STAC: variants seen among roughly 807,000 people sequenced by gnomAD.
STAC encodes SH3 and cysteine-rich domain-containing protein.
STAC carries 43 observed loss-of-function variants against 48.8 expected under a neutral mutation model. The observed-to-expected ratio is 0.88, with a 90% CI of 0.69 to 1.14. The LOEUF (loss-of-function observed/expected upper bound fraction) is 1.14. Among genes scored for constraint, STAC ranks in the 50% most tolerant of loss-of-function variants. The probability of loss-of-function intolerance (pLI) is 0.00; values close to 1 mark genes in which losing one functional copy is unlikely to be tolerated. For missense variants in STAC, 497 were observed against 504.0 expected (o/e 0.99, Z 0.13); for synonymous variants, 193 against 179.5 (o/e 1.07, Z -0.60).
At chr3:36,527,952 G>A (rs1270738023) in intron 8 of STAC, among the ~76,000 whole-genome samples, 1 of 152,028 alleles carries the variant, frequency 6.6e-6, no homozygotes, top group African/African-American at 2.4e-5. Flanking sequence ...GTTTTGAGAG[G>A]GTATTGGGAA....
intron 1 of STAC, among the ~76,000 whole-genome samples, chr3:36,429,777 T>G (rs2125651913): frequency 6.6e-6 from 1 of 152,298 alleles, no homozygotes; most frequent in South Asian, 2.1e-4. Flanking sequence ...CTCCAACTCC[T>G]TACACTATAC....
At chr3:36,393,409 TA>T (rs532186723) in intron 1 of STAC, among the ~76,000 whole-genome samples, 5 of 151,626 alleles carry the variant, frequency 3.3e-5, no homozygotes, top group African/African-American at 1.2e-4. Flanking sequence ...ATAAACAAGG[TA>T]AAAAAAATGC....
At chr3:36,535,963 C>T (rs1038193326) in intron 10 of STAC, among the ~76,000 whole-genome samples, 4 of 152,042 alleles carry the variant, frequency 2.6e-5, no homozygotes, top group African/African-American at 7.2e-5. Context: ...GTTTTAGTAC[C>T]GGGATGATGC....
At chr3:36,405,562 C>G (rs964036956) in intron 1 of STAC, among the ~76,000 whole-genome samples, 1 of 152,116 alleles carries the variant, frequency 6.6e-6, no homozygotes, top group Non-Finnish European at 1.5e-5. Context: ...CACAACTGAT[C>G]GCTATTTAAA....
At chr3:36,478,970 C>T (rs1697567554) in intron 2 of STAC, among the ~76,000 whole-genome samples, 1 of 152,116 alleles carries the variant, frequency 6.6e-6, no homozygotes, top group Admixed American at 6.5e-5. Context: ...AAGTCTGCTG[C>T]CTTACTTCTT....
chr3:36,428,093 A>G (rs1700609526), intron 1 of STAC, among the ~76,000 whole-genome samples: 1 of 152,228 alleles, frequency 6.6e-6, no homozygotes, highest in African/African-American at 2.4e-5. Context: ...TAATGCTATG[A>G]AAGGTGTTAT....
chr3:36,408,825 C>T (rs1700135749), intron 1 of STAC, among the ~76,000 whole-genome samples: 1 of 152,142 alleles, frequency 6.6e-6, no homozygotes, highest in Non-Finnish European at 1.5e-5. Flanking sequence ...TGCATTAAGA[C>T]CTCTTGTTGT....
At chr3:36,540,191 A>G (rs1699290701) in intron 10 of STAC, among the ~76,000 whole-genome samples, 1 of 152,192 alleles carries the variant, frequency 6.6e-6, no homozygotes, top group African/African-American at 2.4e-5. Context: ...GCTGGAAAAG[A>G]CAAGGAAACA....
intron 1 of STAC, among the ~76,000 whole-genome samples, chr3:36,396,026 C>A (rs1280278877): frequency 6.6e-6 from 1 of 151,954 alleles, no homozygotes. Context: ...ATAATATTTA[C>A]CTCTGCGATA....
At chr3:36,487,760 C>A (rs147813413) in intron 5 of STAC, among the ~76,000 whole-genome samples, 1 of 152,298 alleles carries the variant, frequency 6.6e-6, no homozygotes, top group African/African-American at 2.4e-5. Flanking sequence ...AGTACTGAAG[C>A]ATTTCATAGT....
At chr3:36,390,650 A>G (rs1023689022) in intron 1 of STAC, among the ~76,000 whole-genome samples, 3 of 151,974 alleles carry the variant, frequency 2.0e-5, no homozygotes, top group African/African-American at 4.8e-5. Context: ...AGATTGTTCG[A>G]TAACTGTCAC....
chr3:36,534,068 C>T (rs191855153), intron 10 of STAC, among the ~76,000 whole-genome samples: 271 of 152,220 alleles, frequency 1.8e-3, no homozygotes, highest in Middle Eastern at 0.01. Flanking sequence ...ACTTTAGTGT[C>T]CTAAGTTATT....
intron 2 of STAC, among the ~76,000 whole-genome samples, chr3:36,451,653 G>C (rs889068137): frequency 2.0e-5 from 3 of 151,600 alleles, no homozygotes; most frequent in Admixed American, 6.6e-5. Context: ...ACCTATTTAT[G>C]AGTTACATGT....
intron 1 of STAC, among the ~76,000 whole-genome samples, chr3:36,429,739 C>G (rs1274721837): frequency 6.6e-6 from 1 of 152,172 alleles, no homozygotes; most frequent in Non-Finnish European, 1.5e-5. Flanking sequence ...TCAGGGTCCA[C>G]AGGAACATTG....
At chr3:36,399,992 G>A (rs1389666322) in intron 1 of STAC, among the ~76,000 whole-genome samples, 1 of 152,204 alleles carries the variant, frequency 6.6e-6, no homozygotes, top group Non-Finnish European at 1.5e-5. Context: ...AAGGATTAAA[G>A]TACTTAAAAG....
Position 36,526,684 on chromosome 3 carries a change from G to GTT in STAC, c.921-2012_921-2011insTT, listed in dbSNP as rs1253554379. On this transcript the variant is annotated intron_variant, in intron 8 of 10. Transcript: ENST00000273183. ...GCATTACTACTTATAATGAACAATT[G>GTT]GCAGCAATGATGTTGAACTCCAGAA... Among the ~76,000 whole-genome samples the GTT allele has an allele frequency of 5.5e-4, 83 of 152,152 alleles. No homozygotes were observed. The East Asian group carries it at 0.014, about 26-fold the overall frequency.
At chr3:36,392,508 TTTTA>T (rs1292109000) in intron 1 of STAC, among the ~76,000 whole-genome samples, 2 of 152,112 alleles carry the variant, frequency 1.3e-5, no homozygotes, top group East Asian at 1.9e-4. Context: ...CCCAGCTAAT[TTTTA>T]TTTATTTATT....
intron 1 of STAC, among the ~76,000 whole-genome samples, chr3:36,395,516 T>A (rs528611063): frequency 6.6e-6 from 1 of 152,288 alleles, no homozygotes; most frequent in South Asian, 2.1e-4. Flanking sequence ...AGGAGGTCCC[T>A]TATCTGGCTA....
At chr3:36,453,234 T>A (rs962561987) in intron 2 of STAC, among the ~76,000 whole-genome samples, 1 of 152,258 alleles carries the variant, frequency 6.6e-6, no homozygotes, top group Admixed American at 6.5e-5. Flanking sequence ...CCTGGGCTCC[T>A]ACTTTGGCGG....
Sources: allele counts gnomAD v4.1 joint callset (sites outside exome capture counted in the v4.1 genomes callset), GRCh38; gene constraint gnomAD v4.1.1; transcripts MANE v1.5; gene names NCBI Gene and HGNC (gene_info 2026-07-23, HGNC 2026-07-21).